Variants in AK9 observed in about 807,000 individuals in gnomAD.
AK9 encodes adenylate kinase 9, also known as adenylate kinase domain containing 1.
In AK9, 191 loss-of-function variants were observed where a neutral mutation model predicts 239.6. The ratio of observed to expected loss-of-function variants is 0.80; its 90% CI spans 0.71 to 0.90. AK9 has a LOEUF of 0.90. AK9 is among the 40% of genes least tolerant of loss of function. The pLI is 0.00. For synonymous variants in AK9, 689 were observed against 721.0 expected (o/e 0.96, Z 0.71); for missense variants, 1,995 against 2,214.7 (o/e 0.90, Z 1.99).
chr6:109,652,941 T>C (rs1799174562), intron 8 of AK9, among the ~76,000 whole-genome samples: 1 of 152,168 alleles, frequency 6.6e-6, no homozygotes, highest in Non-Finnish European at 1.5e-5. Context: ...GTTTTTTTTT[T>C]GTTTTTGAGA....
At chr6:109,501,944 C>T (rs1777642131) in intron 35 of AK9, among the ~76,000 whole-genome samples, 1 of 152,196 alleles carries the variant, frequency 6.6e-6, no homozygotes, top group South Asian at 2.1e-4. Context: ...CTTACCATAC[C>T]TTACCACATA....
At chr6:109,666,290 C>T (rs755070135) in intron 5 of AK9, among the ~76,000 whole-genome samples, 7 of 152,298 alleles carry the variant, frequency 4.6e-5, no homozygotes, top group Non-Finnish European at 8.8e-5. Context: ...TCTGGAAGAT[C>T]CCAGGGACAC....
chr6:109,652,138 C>T lies in AK9; in HGVS notation c.759+4618G>A, dbSNP rs1406193539. On this transcript the variant is annotated intron_variant, in intron 8 of 40. Transcript: ENST00000424296. ...TTAGACCAAGATCCCTGATGAACAT[C>T]GATGCAAAAATCCTCAATAAAATAC... Among the ~76,000 whole-genome samples, 6 of 152,136 alleles carry T rather than the reference C, an allele frequency of 3.9e-5. No homozygotes were observed. In the South Asian group the frequency reaches 8.3e-4, roughly 21 times the overall value.
At chr6:109,515,746 A>G (rs1394240609) in intron 31 of AK9, 111 bp downstream of exon 31, 6 of 992,102 alleles carry the variant, frequency 6.0e-6, no homozygotes, top group Non-Finnish European at 1.5e-6. Context: ...TGAGACTACT[A>G]CACAATACTT....
chr6:109,572,033 T>G (rs548495140), intron 21 of AK9, among the ~76,000 whole-genome samples: 1 of 152,164 alleles, frequency 6.6e-6, no homozygotes, highest in East Asian at 1.9e-4. Context: ...ATAAGAACCA[T>G]AGGTGATTCT....
intron 12 of AK9, among the ~76,000 whole-genome samples, chr6:109,626,062 T>C (rs1011833329): frequency 3.9e-5 from 6 of 152,186 alleles, no homozygotes; most frequent in African/African-American, 1.4e-4. Flanking sequence ...AGACTGGAAA[T>C]GTTTTATTGA....
At chr6:109,681,145 G>C (rs1449535767) in intron 1 of AK9, among the ~76,000 whole-genome samples, 2 of 152,138 alleles carry the variant, frequency 1.3e-5, no homozygotes, top group Admixed American at 1.3e-4. Flanking sequence ...AAAAGACACA[G>C]ACTGGCAAAC....
chr6:109,677,335 T>C (rs535198857), intron 1 of AK9, among the ~76,000 whole-genome samples: 3 of 152,156 alleles, frequency 2.0e-5, no homozygotes, highest in Non-Finnish European at 4.4e-5. Flanking sequence ...AAACTCATAA[T>C]TGCACAAATC....
chr6:109,602,103 T>C (rs1403970128), intron 17 of AK9, among the ~76,000 whole-genome samples: 1 of 152,224 alleles, frequency 6.6e-6, no homozygotes, highest in African/African-American at 2.4e-5. Context: ...TATGTGTGAA[T>C]TTGATCCTGT....
At chr6:109,584,535 T>C (rs1789247560) in intron 19 of AK9, among the ~76,000 whole-genome samples, 1 of 152,160 alleles carries the variant, frequency 6.6e-6, no homozygotes, top group Non-Finnish European at 1.5e-5. Context: ...TAATATTTTA[T>C]TCTTCAATCT....
At position 109,516,425 on chromosome 6, in the gene AK9, A is replaced by C; in HGVS notation, c.3846+5T>G. On this transcript the variant is annotated splice_donor_5th_base_variant and intron_variant, in intron 30 of 40. Transcript: ENST00000424296. ...AATTATAAAAAGCAAAGGAAAAGTA[A>C]TAACCTGTATTATTTGTAAATTATG... 6.5e-7 allele frequency: 1 copy of C among 1,547,976 alleles called. No homozygotes were observed. Among genetic ancestry groups the C allele is most frequent in the Non-Finnish European group, 8.7e-7 (1 of 1,144,996 alleles).
chr6:109,597,521 A>G (rs1562470140), intron 17 of AK9, among the ~76,000 whole-genome samples: 3 of 151,992 alleles, frequency 2.0e-5, no homozygotes, highest in African/African-American at 7.3e-5. Flanking sequence ...AAATACAAAA[A>G]AATTAGCCAG....
chr6:109,583,165 G>T (rs527965607), intron 19 of AK9, among the ~76,000 whole-genome samples: 3 of 152,220 alleles, frequency 2.0e-5, no homozygotes, highest in African/African-American at 7.2e-5. Flanking sequence ...TCCAAGCTAT[G>T]CCTGTACCTC....
intron 29 of AK9, among the ~76,000 whole-genome samples, chr6:109,524,961 A>G (rs913638475): frequency 2.6e-5 from 4 of 152,170 alleles, no homozygotes; most frequent in African/African-American, 9.6e-5. Context: ...AGTTATACTT[A>G]AAAAGGCAAT....
chr6:109,571,088 A>G (rs1437642153), intron 21 of AK9, among the ~76,000 whole-genome samples: 1 of 152,244 alleles, frequency 6.6e-6, no homozygotes, highest in Admixed American at 6.5e-5. Context: ...AGATTTGCAG[A>G]AAAATTACAA....
intron 8 of AK9, among the ~76,000 whole-genome samples, chr6:109,652,882 G>A (rs569070316): frequency 1.3e-5 from 2 of 151,776 alleles, no homozygotes; most frequent in East Asian, 3.9e-4. Context: ...AATATCCTTT[G>A]GTATATCCTG....
At chr6:109,679,923 G>A (rs1317251826) in intron 1 of AK9, among the ~76,000 whole-genome samples, 3 of 152,064 alleles carry the variant, frequency 2.0e-5, no homozygotes, top group Non-Finnish European at 4.4e-5. Flanking sequence ...CAAAAAGGAC[G>A]TCCACTCAGA....
chr6:109,554,723 G>C (rs1784774523), intron 24 of AK9, among the ~76,000 whole-genome samples: 1 of 151,786 alleles, frequency 6.6e-6, no homozygotes, highest in African/African-American at 2.4e-5. Context: ...GTACAGACAG[G>C]GTTTCGCTAT....
At position 109,612,079 on chromosome 6, in the gene AK9, C is replaced by T. The variant is rs766850703; in HGVS notation, c.1624G>A (p.Gly542Ser). 12 of 1,538,738 alleles carry T rather than the reference C, an allele frequency of 7.8e-6. 1 individual carries two copies. The South Asian group carries it at 1.4e-4, about 17-fold the overall frequency. Reference protein sequence around the residue: ...KVDKDDGKETGETFTFKRHSQ... With the variant: ...KVDKDDGKETSETFTFKRHSQ... ...TGCCTTTTAAATGTGAATGTTTCAC[C>T]AGTTTCTTTTCCATCTGTGAATAAA... Residue 542 changes from glycine to serine, a missense_variant, in exon 16 of 41, where the codon GGT becomes AGT. Around this residue, in one of 5 missense-constraint regions of AK9, gnomAD observed 1,290 missense variants for 1,392.7 expected, o/e 0.93. Transcript: ENST00000424296.
Sources: allele counts gnomAD v4.1 joint callset (sites outside exome capture counted in the v4.1 genomes callset), GRCh38; gene constraint gnomAD v4.1.1; regional missense constraint gnomAD v4.1.1; transcripts MANE v1.5; gene names NCBI Gene and HGNC (gene_info 2026-07-23, HGNC 2026-07-21).